LZTFL1: variants seen among roughly 807,000 people sequenced by gnomAD.
The protein encoded by LZTFL1 is leucine zipper transcription factor-like protein 1.
LZTFL1 carries 25 observed loss-of-function variants against 45.9 expected under a neutral mutation model. The ratio of observed to expected loss-of-function variants is 0.54; its 90% CI spans 0.40 to 0.76. The LOEUF is 0.76. Among genes scored for constraint, LZTFL1 ranks in the 30% least tolerant of loss-of-function variants. LZTFL1 has a pLI of 0.00. For missense variants in LZTFL1, 277 were observed against 331.1 expected, an observed-to-expected ratio of 0.84 and a Z score of 1.27; for synonymous variants, 93 against 117.4, an observed-to-expected ratio of 0.79 and a Z score of 1.35.
chr3:45,898,680 G>A (rs1368552987), intron 2 of LZTFL1, among the ~76,000 whole-genome samples: 1 of 152,218 alleles, frequency 6.6e-6, no homozygotes, highest in African/African-American at 2.4e-5. Context: ...CTGCCAGCCA[G>A]GGCCCAAATA....
intron 7 of LZTFL1, among the ~76,000 whole-genome samples, chr3:45,829,300 T>C (rs537535078): frequency 6.6e-6 from 1 of 152,070 alleles, no homozygotes; most frequent in Non-Finnish European, 1.5e-5. Context: ...TTGGTTAATA[T>C]GTAGATGAAG....
intron 1 of LZTFL1, among the ~76,000 whole-genome samples, chr3:45,914,675 A>G (rs1702863423): frequency 6.6e-6 from 1 of 152,194 alleles, no homozygotes; most frequent in African/African-American, 2.4e-5. Context: ...TAATAAATGA[A>G]CAGTTGACTC....
Position 45,901,499 on chromosome 3 carries a change from C to T in LZTFL1, c.-215+11621G>A, listed in dbSNP as rs1395706481. 6.2e-7 allele frequency: 1 copy of T among 1,614,058 alleles called. No individual in the cohort carries two copies. Among genetic ancestry groups the T allele is most frequent in the African/African-American group, 1.3e-5 (1 of 74,916 alleles). On this transcript the variant is annotated intron_variant, in intron 2 of 4. Transcript: ENST00000472635. This position sits in a 1 kb window ranked among gnomAD's most constrained non-coding sequence, Gnocchi z 4.3. ...TCATGGCTTGCTGCTATACCATCATCATTCACACCCTGATACAAGCCAAGA... is the reference window on the plus strand; with the variant it reads ...TCATGGCTTGCTGCTATACCATCATTATTCACACCCTGATACAAGCCAAGA...
upstream of LZTFL1, among the ~76,000 whole-genome samples, chr3:45,842,575 A>AC (rs1168842734): frequency 1.3e-5 from 2 of 150,302 alleles, no homozygotes; most frequent in African/African-American, 4.9e-5. Context: ...GCTTCAAACG[A>AC]CCCCTCCCCA....
intron 2 of LZTFL1, among the ~76,000 whole-genome samples, chr3:45,891,773 G>A (rs1487329919): frequency 2.6e-5 from 4 of 152,090 alleles, no homozygotes; most frequent in Non-Finnish European, 5.9e-5. Flanking sequence ...CCTTCAACCT[G>A]AGATGGTTTC....
chr3:45,828,332 T>A, intron 8 of LZTFL1, 107 bp downstream of exon 8: 2 of 941,078 alleles, frequency 2.1e-6, no homozygotes, highest in Non-Finnish European at 3.2e-6. Flanking sequence ...GAAAAAATAA[T>A]CTGAATTTGC....
intron 2 of LZTFL1, among the ~76,000 whole-genome samples, chr3:45,905,184 C>T (rs1575310648): frequency 6.6e-6 from 1 of 152,208 alleles, no homozygotes; most frequent in South Asian, 2.1e-4. Flanking sequence ...GTAAGTACCA[C>T]AGCCTTAGAA....
chr3:45,914,031 T>A (rs1469867135), intron 1 of LZTFL1, among the ~76,000 whole-genome samples: 1 of 152,228 alleles, frequency 6.6e-6, no homozygotes, highest in Non-Finnish European at 1.5e-5. Context: ...GACTGAAATT[T>A]CCATCATTGC....
At chr3:45,909,859 A>G (rs897227707) in intron 2 of LZTFL1, among the ~76,000 whole-genome samples, 3 of 152,258 alleles carry the variant, frequency 2.0e-5, no homozygotes, top group Admixed American at 6.5e-5. Context: ...TTTGGAAACC[A>G]GGAAGTTTCT....
chr3:45,859,631 T>C (rs949961918), intron 2 of LZTFL1, among the ~76,000 whole-genome samples: 2 of 149,898 alleles, frequency 1.3e-5, no homozygotes, highest in Non-Finnish European at 2.9e-5. Context: ...ACAGAGAACA[T>C]TACATGGCTT....
At chr3:45,862,287 C>T (rs778656187) in intron 2 of LZTFL1, among the ~76,000 whole-genome samples, 13 of 152,166 alleles carry the variant, frequency 8.5e-5, no homozygotes, top group Non-Finnish European at 1.3e-4. Context: ...CAGGAACAGG[C>T]GGACCAGGCT....
In LZTFL1 at chr3:45,900,714, T is replaced by C; in HGVS notation, c.-215+12406A>G. On this transcript the variant is annotated intron_variant, in intron 2 of 4. Transcript: ENST00000472635. This position sits in a 1 kb window ranked among gnomAD's most constrained non-coding sequence, Gnocchi z 4.7. Reference sequence around the variant, plus strand: ...TGTCTTTGGCCTTATCATAGGTGTTTGGGGTTGGAAGGGTCAAGAGGTCCA... The same window carrying C: ...TGTCTTTGGCCTTATCATAGGTGTTCGGGGTTGGAAGGGTCAAGAGGTCCA... 7.9e-7 allele frequency: 1 copy of C among 1,260,246 alleles called. No homozygotes were observed. Among genetic ancestry groups the C allele is most frequent in the South Asian group, 1.4e-5 (1 of 69,866 alleles). The allele number at this position is 1,260,246 out of a possible 1,614,324, so 78.1% of individuals were successfully genotyped here.
rs759329161 is a variant in LZTFL1, at chr3:45,901,064, T to C, written c.-215+12056A>G. The C allele has an allele frequency of 1.2e-6, 2 of 1,614,218 alleles. No individual in the cohort carries two copies. The highest frequency in any genetic ancestry group is 1.7e-6 in the Non-Finnish European group (2 of 1,180,028). The stretch of plus-strand genomic sequence containing the variant: ...ACATGTTCCTTTTGAATTTGGCAAT[T>C]GCTGACCTCCTCTTTCTTGTCACTC... On this transcript the variant is annotated intron_variant, in intron 2 of 4. Coordinates refer to the LZTFL1 transcript ENST00000472635. The surrounding 1 kb of genome is among the most constrained non-coding windows in gnomAD (Gnocchi z 4.3).
At chr3:45,888,689 T>C (rs1045441961) in intron 2 of LZTFL1, among the ~76,000 whole-genome samples, 31 of 152,064 alleles carry the variant, frequency 2.0e-4, no homozygotes, top group Non-Finnish European at 5.9e-5. Flanking sequence ...ATATGTGGGA[T>C]TTTCCCCCCT....
chr3:45,830,328 C>A (rs979987173), intron 7 of LZTFL1, among the ~76,000 whole-genome samples: 1 of 152,230 alleles, frequency 6.6e-6, no homozygotes, highest in African/African-American at 2.4e-5. Flanking sequence ...CATACAATGA[C>A]TTCCCGCAGG....
chr3:45,836,271 A>AAAT (rs905762422), intron 2 of LZTFL1, among the ~76,000 whole-genome samples: 3 of 152,212 alleles, frequency 2.0e-5, no homozygotes, highest in African/African-American at 7.2e-5. Flanking sequence ...TTGAGACCCA[A>AAAT]AATAATAATA....
Position 45,830,918 on chromosome 3 carries a change from G to T in LZTFL1, c.595C>A (p.Gln199Lys). Residue 199 changes from glutamine (Q) to lysine (K), a missense_variant, in exon 7 of 10, where the codon CAA becomes AAA. Gln to Lys is a moderately conservative substitution (Grantham distance 53). Transcript: ENST00000296135. The part of the protein sequence containing the change: ...LQDLQLDQGN[Q>K]KDFIKAQDLS... ...GTAGCTAAAACTTGTTTCACCTTTT[G>T]ATTTCCTTGATCAAGCTGTAAATCT... 2 of 1,613,396 alleles carry T rather than the reference G, an allele frequency of 1.2e-6. No homozygotes were observed. The highest frequency in any genetic ancestry group is 2.2e-5 in the South Asian group (2 of 90,962).
intron 4 of LZTFL1, among the ~76,000 whole-genome samples, chr3:45,853,315 A>G (rs1701334565): frequency 6.6e-6 from 1 of 152,240 alleles, no homozygotes; most frequent in South Asian, 2.1e-4. Context: ...ATCATGTAGG[A>G]ATATTATGAA....
At chr3:45,830,835 G>C in intron 7 of LZTFL1, 78 bp downstream of exon 7, 1 of 1,262,098 alleles carries the variant, frequency 7.9e-7, no homozygotes, top group Non-Finnish European at 1.1e-6. Context: ...ACAGTGAGCA[G>C]TAACTAAGAC....
Sources: allele counts gnomAD v4.1 joint callset (sites outside exome capture counted in the v4.1 genomes callset), GRCh38; gene constraint gnomAD v4.1.1; non-coding constraint Gnocchi (gnomAD v3.1); transcripts MANE v1.5; gene names NCBI Gene and HGNC (gene_info 2026-07-23, HGNC 2026-07-21).